Variants in PIWIL2 observed in about 807,000 individuals in gnomAD.
PIWIL2 encodes the protein piwi-like protein 2.
A neutral mutation model predicts 116.5 loss-of-function variants in PIWIL2; 81 were observed. The observed-to-expected ratio is 0.70, with a 90% CI of 0.58 to 0.84. The LOEUF is 0.84. PIWIL2 is among the 40% of genes least tolerant of loss of function. PIWIL2 has a pLI of 0.00. For synonymous variants in PIWIL2, 489 were observed against 429.5 expected (o/e 1.14, Z -1.71); for missense variants, 1,272 against 1,212.3 (o/e 1.05, Z -0.73).
chr8:22,302,087 G>A (rs1408205060), intron 10 of PIWIL2, among the ~76,000 whole-genome samples: 2 of 151,920 alleles, frequency 1.3e-5, no homozygotes, highest in East Asian at 3.9e-4. Flanking sequence ...TGATCTGTGG[G>A]TTATTTAGAG....
intron 10 of PIWIL2, among the ~76,000 whole-genome samples, chr8:22,293,728 T>C (rs1830820047): frequency 6.6e-6 from 1 of 152,242 alleles, no homozygotes; most frequent in African/African-American, 2.4e-5. Context: ...ATTCTTTTTT[T>C]CCACAGATTC....
chr8:22,310,102 A>C (rs775654756), intron 15 of PIWIL2, 28 bp downstream of exon 15: 1 of 1,194,610 alleles, frequency 8.4e-7, no homozygotes. Context: ...TGATAAAGAG[A>C]GGACCAGTAT....
chr8:22,353,215 A>G lies in PIWIL2; in HGVS notation c.2657+3A>G. 1 of 1,607,794 alleles carries G rather than the reference A, an allele frequency of 6.2e-7. No individual in the cohort carries two copies. Among genetic ancestry groups the G allele is most frequent in the Non-Finnish European group, 8.5e-7 (1 of 1,175,156 alleles). ...CATACAATAACAAGCTGTGAGTGGT[A>G]AGTGAGCAAAATATGTAGTATTGGA... On this transcript the variant is annotated splice_donor_region_variant and intron_variant, in intron 21 of 22. Coordinates refer to ENST00000356766, the MANE Select transcript of PIWIL2 (RefSeq NM_018068.5).
intron 13 of PIWIL2, 84 bp downstream of exon 13, chr8:22,306,100 G>A (rs992809183): frequency 3.7e-5 from 34 of 907,274 alleles, no homozygotes; most frequent in South Asian, 2.5e-4. Context: ...ACCGAGCCAC[G>A]TTCCAACTCT....
intron 20 of PIWIL2, among the ~76,000 whole-genome samples, chr8:22,349,478 A>G (rs1832308083): frequency 6.7e-6 from 1 of 149,540 alleles, no homozygotes; most frequent in Non-Finnish European, 1.5e-5. Flanking sequence ...CAACCCTGAG[A>G]AGAAGGTGAG....
intron 4 of PIWIL2, among the ~76,000 whole-genome samples, chr8:22,282,093 TTTTAA>T (rs1305412182): frequency 7.5e-5 from 11 of 146,374 alleles, no homozygotes; most frequent in African/African-American, 2.8e-4. Flanking sequence ...TTTTTTTTTT[TTTTAA>T]GGGATGGGGT....
chr8:22,305,172 C>CATTTATTTATTT (rs10669583), intron 12 of PIWIL2, among the ~76,000 whole-genome samples: 21,179 of 143,808 alleles, frequency 0.15, 2,109 homozygotes, highest in East Asian at 0.29. Flanking sequence ...TATAGATATT[C>CATTTATTTATTT]ATTTATTTAT....
intron 20 of PIWIL2, among the ~76,000 whole-genome samples, chr8:22,333,570 C>A (rs553637437): frequency 1.1e-4 from 17 of 152,150 alleles, no homozygotes; most frequent in African/African-American, 3.9e-4. Flanking sequence ...CAATATCACG[C>A]CATTCAACTC....
chr8:22,283,460 G>C (rs1830559406), intron 5 of PIWIL2, among the ~76,000 whole-genome samples: 1 of 152,228 alleles, frequency 6.6e-6, no homozygotes, highest in Middle Eastern at 3.2e-3. Context: ...CCAGGCTGCA[G>C]TGCAGTGGTG....
At chr8:22,339,575 T>C (rs1209855065) in intron 20 of PIWIL2, among the ~76,000 whole-genome samples, 6 of 152,062 alleles carry the variant, frequency 3.9e-5, no homozygotes, top group African/African-American at 1.2e-4. Flanking sequence ...CTATTAATAT[T>C]AGGCACCAGT....
At chr8:22,328,153 A>G (rs1177248116) in intron 20 of PIWIL2, among the ~76,000 whole-genome samples, 2 of 152,060 alleles carry the variant, frequency 1.3e-5, no homozygotes, top group Non-Finnish European at 2.9e-5. Flanking sequence ...ATTCTTTCGC[A>G]TCTGGATATC....
At chr8:22,294,899 GGA>G (rs1491233739) in intron 10 of PIWIL2, among the ~76,000 whole-genome samples, 3,602 of 79,098 alleles carry the variant, frequency 0.046, 360 homozygotes, top group Admixed American at 0.063. Flanking sequence ...CATCTTTACT[GGA>G]AAAAAAAAAA....
At chr8:22,322,013 C>G (rs1831610868) in intron 20 of PIWIL2, 2 of 981,588 alleles carry the variant, frequency 2.0e-6, no homozygotes, top group Non-Finnish European at 2.4e-6. Flanking sequence ...CTTCCAAATA[C>G]TGTTTTGGTT....
chr8:22,297,559 T>C (rs1031228461), intron 10 of PIWIL2, among the ~76,000 whole-genome samples: 65 of 152,218 alleles, frequency 4.3e-4, no homozygotes, highest in African/African-American at 1.4e-3. Context: ...AAAAAATTCA[T>C]GGCACTTGTT....
chr8:22,317,972 T>G (rs879610936), intron 19 of PIWIL2, among the ~76,000 whole-genome samples, 198 bp from the exon 20 acceptor site: 1 of 152,156 alleles, frequency 6.6e-6, no homozygotes, highest in Non-Finnish European at 1.5e-5. Context: ...CAATTACACG[T>G]TTTTATGTTC....
rs1563379262 is a variant in PIWIL2 at position 22,307,473 on chromosome 8, A to AATTTTTTTTTTTTTT, written c.1546-460_1546-459insATTTTTTTTTTTTTT. ...GACATTTGAAATTCTTTTATTATTCATTTTTTTTTTTTTTTTTTTTTTTTT... is the reference window on the plus strand; with the variant it reads ...GACATTTGAAATTCTTTTATTATTCAATTTTTTTTTTTTTTTTTTTTTTTTTTTTTTTTTTTTTTT... On this transcript the variant is annotated intron_variant, in intron 13 of 22. Coordinates refer to ENST00000356766, the MANE Select transcript of PIWIL2 (RefSeq NM_018068.5). Among the ~76,000 whole-genome samples the AATTTTTTTTTTTTTT allele has an allele frequency of 2.7e-5, 3 of 111,258 alleles. 1 individual carries two copies. The highest frequency in any genetic ancestry group is 3.5e-5 in the Non-Finnish European group (2 of 57,764). 73.0% of individuals were successfully genotyped at this position (111,258 alleles called of 152,430 possible). A position where few individuals can be genotyped will look rare whatever the true frequency, so the allele number is the denominator to read the frequency against.
At chr8:22,353,919 G>A (rs1832432325) in intron 21 of PIWIL2, among the ~76,000 whole-genome samples, 1 of 151,854 alleles carries the variant, frequency 6.6e-6, no homozygotes, top group Non-Finnish European at 1.5e-5. Context: ...GGGACAATAG[G>A]CGTATGCCAC....
intron 2 of PIWIL2, among the ~76,000 whole-genome samples, chr8:22,280,328 G>C (rs1830471922): frequency 6.6e-6 from 1 of 152,168 alleles, no homozygotes; most frequent in Non-Finnish European, 1.5e-5. Context: ...AAAGAAAAAG[G>C]ATCTTCAGTT....
intron 12 of PIWIL2, 69 bp from the exon 13 acceptor site, chr8:22,305,858 T>C (rs560868417): frequency 1.0e-5 from 11 of 1,092,672 alleles, no homozygotes; most frequent in South Asian, 2.5e-5. Context: ...GGCCATGACA[T>C]GTCCTGTATG....
Sources: gnomAD v4.1 joint callset for allele counts (sites outside exome capture counted in the v4.1 genomes callset) on GRCh38, gnomAD v4.1.1 for gene constraint, MANE v1.5 for transcripts, NCBI Gene and HGNC (gene_info 2026-07-23, HGNC 2026-07-21) for gene names.